IDE: variants seen among roughly 807,000 people sequenced by gnomAD.
IDE encodes the protein insulin degrading enzyme.
Under a neutral mutation model 133.2 loss-of-function variants are expected in IDE, and 58 were observed. That is an observed-to-expected ratio of 0.44 (90% CI 0.35 to 0.54). The LOEUF is 0.54. Among genes scored for constraint, IDE ranks in the 20% least tolerant of loss-of-function variants. The pLI is 0.00. For missense variants in IDE, 981 were observed against 1,234.0 expected (o/e 0.79, Z 3.07); for synonymous variants, 396 against 421.3 (o/e 0.94, Z 0.73).
At chr10:92,561,215 C>T (rs1358746833) in intron 1 of IDE, among the ~76,000 whole-genome samples, 3 of 151,798 alleles carry the variant, frequency 2.0e-5, no homozygotes, top group Non-Finnish European at 4.4e-5. Context: ...GAGATGGCAC[C>T]ACTGCACTCC....
chr10:92,469,825 A>T (rs748662086), intron 18 of IDE, among the ~76,000 whole-genome samples: 2 of 152,194 alleles, frequency 1.3e-5, no homozygotes, highest in Non-Finnish European at 2.9e-5. Context: ...CGTAGGTGCT[A>T]CTGTAACTCT....
intron 19 of IDE, among the ~76,000 whole-genome samples, chr10:92,468,020 T>A (rs977343064): frequency 1.3e-5 from 2 of 152,192 alleles, no homozygotes; most frequent in African/African-American, 4.8e-5. Context: ...GTAGCTTGAA[T>A]AGGGAGGTTC....
rs5787000 is a variant in IDE, at chr10:92,508,559, GA to G, written c.1060+168del. Among the ~76,000 whole-genome samples, 633 of 130,568 alleles carry G rather than the reference GA, an allele frequency of 4.8e-3. 5 individuals are homozygous for G. Among genetic ancestry groups the G allele is most frequent in the African/African-American group, 0.016 (544 of 34,214 alleles). The allele number at this position is 130,568 out of a possible 152,430, so 85.7% of individuals were successfully genotyped here. A position where few individuals can be genotyped will look rare whatever the true frequency, so the allele number is the denominator to read the frequency against. On this transcript the variant is annotated intron_variant, in intron 7 of 24. Transcript: ENST00000265986. Reference sequence around the variant, plus strand: ...CGAAACCCCATCTCTATCTAAAAAAGAAAAAAAAAAAAAAAAGGCAACAGCG... The same window carrying G: ...CGAAACCCCATCTCTATCTAAAAAAGAAAAAAAAAAAAAAAGGCAACAGCG...
chr10:92,508,644 T>C (rs1832195), intron 7 of IDE, 84 bp downstream of exon 7: 26,860 of 1,289,528 alleles, frequency 0.021, 347 homozygotes, highest in Admixed American at 0.057. Context: ...CAATGTTCCT[T>C]CATAGGACAC....
chr10:92,524,433 T>TA (rs1564647866), intron 4 of IDE, among the ~76,000 whole-genome samples: 5 of 30,770 alleles, frequency 1.6e-4, no homozygotes, highest in African/African-American at 5.9e-4. Context: ...ATAATATATT[T>TA]TATATAATAT....
chr10:92,515,087 G>GGAGCTGAAAACCAAGGCTCGA, intron 4 of IDE, 45 bp from the exon 5 acceptor site: 2 of 1,514,124 alleles, frequency 1.3e-6, no homozygotes, highest in Non-Finnish European at 1.8e-6. Context: ...CAAAATATGT[G>GGAGCTGAAAACCAAGGCTCGA]GACTTTTAAA....
At chr10:92,535,147 A>G (rs1433771911) in intron 2 of IDE, among the ~76,000 whole-genome samples, 1 of 152,146 alleles carries the variant, frequency 6.6e-6, no homozygotes, top group African/African-American at 2.4e-5. Context: ...TCTGTCGCCC[A>G]GGCTGGAGTG....
In IDE at chr10:92,506,648, A is replaced by C. The variant is rs1371290190; in HGVS notation, c.1246-126T>G. On this transcript the variant is annotated intron_variant, in intron 9 of 24. Transcript: ENST00000265986. ...ATATTTAACTTTATCACACTTTCTG[A>C]AAAAATGGCTATGCTTGATTTAGAA... The C allele has an allele frequency of 8.3e-6, 4 of 484,470 alleles. No homozygotes were observed. In the East Asian group the frequency reaches 1.3e-4, roughly 15 times the overall value. 30.0% of individuals were successfully genotyped at this position (484,470 alleles called of 1,614,324 possible).
intron 2 of IDE, among the ~76,000 whole-genome samples, chr10:92,536,994 C>T (rs906515969): frequency 1.3e-5 from 2 of 150,576 alleles, no homozygotes; most frequent in African/African-American, 2.5e-5. Context: ...GCCGAGATTG[C>T]GCCACTGCAC....
At position 92,497,704 on chromosome 10, in the gene IDE, G is replaced by C. The variant is rs576616088; in HGVS notation, c.1430+7090C>G. On this transcript the variant is annotated intron_variant, in intron 11 of 24. Coordinates refer to ENST00000265986, the MANE Select transcript of IDE (RefSeq NM_004969.4). ...CCACCCTAGTCTGGTCTGGCAGCTG[G>C]CAATATTATCCCAGGCTGTTTTGCA... is the stretch of plus-strand genomic sequence containing the variant. 194 of 983,990 alleles carry C rather than the reference G, an allele frequency of 2.0e-4. 2 individuals carry two copies. The South Asian group carries it at 8.0e-3, about 40-fold the overall frequency. The allele number at this position is 983,990 out of a possible 1,614,324, so 61.0% of individuals were successfully genotyped here.
intron 5 of IDE, among the ~76,000 whole-genome samples, chr10:92,513,489 G>A (rs779915713): frequency 1.3e-5 from 2 of 152,114 alleles, no homozygotes; most frequent in Non-Finnish European, 2.9e-5. Flanking sequence ...CACTGTGCCT[G>A]GACCCTATTA....
rs1036877168 is a variant in IDE at position 92,463,815 on chromosome 10, G to A, written c.2677C>T (p.Arg893Ter). 2 of 1,613,912 alleles carry A rather than the reference G, an allele frequency of 1.2e-6. No individual in the cohort carries two copies. The highest frequency in any genetic ancestry group is 1.7e-5 in the Admixed American group (1 of 60,002). Residue 893 changes from arginine (R) to a stop codon, truncating the protein, a stop_gained, in exon 21 of 25, where the codon CGA (arginine) becomes TGA (stop). Transcript: ENST00000265986. LOFTEE classifies it high-confidence loss of function. ...GATAGCTTCTTTGGTTTGTCTAGTC[G>A]ACGAATTGCTAATGCCTGAATGTGT... is the stretch of plus-strand genomic sequence containing the variant. ...QKHIQALAIRRLDKPKKLSAE... is the reference protein window; with the variant it reads ...QKHIQALAIR
At chr10:92,463,348 G>T (rs1845498436) in intron 21 of IDE, among the ~76,000 whole-genome samples, 1 of 152,164 alleles carries the variant, frequency 6.6e-6, no homozygotes, top group Non-Finnish European at 1.5e-5. Context: ...TGTGCCTCAA[G>T]GGCAGCATTT....
At chr10:92,509,380 G>A (rs569299507) in intron 6 of IDE, among the ~76,000 whole-genome samples, 13 of 151,922 alleles carry the variant, frequency 8.6e-5, no homozygotes, top group Non-Finnish European at 1.9e-4. Flanking sequence ...ATCACCTGAG[G>A]TCAGGAGTTC....
chr10:92,488,416 T>G (rs536752729), intron 12 of IDE, among the ~76,000 whole-genome samples: 1 of 152,250 alleles, frequency 6.6e-6, no homozygotes, highest in African/African-American at 2.4e-5. Flanking sequence ...TCTTAAGAAC[T>G]GGCCCACACC....
intron 13 of IDE, among the ~76,000 whole-genome samples, chr10:92,485,045 G>A (rs1032822132): frequency 2.6e-5 from 4 of 151,166 alleles, no homozygotes; most frequent in African/African-American, 4.9e-5. Flanking sequence ...AATGGAATGC[G>A]AGTCTTTTAA....
intron 4 of IDE, among the ~76,000 whole-genome samples, chr10:92,520,408 G>C (rs1849159705): frequency 6.6e-6 from 1 of 152,084 alleles, no homozygotes; most frequent in Non-Finnish European, 1.5e-5. Flanking sequence ...CTTATACTGG[G>C]AAGGAATGAG....
intron 13 of IDE, among the ~76,000 whole-genome samples, chr10:92,486,750 T>C (rs892302011): frequency 6.6e-6 from 1 of 152,208 alleles, no homozygotes; most frequent in Non-Finnish European, 1.5e-5. Context: ...TAATTTGAGA[T>C]AGTCACTATG....
At chr10:92,490,376 C>A in intron 12 of IDE, 117 bp downstream of exon 12, 2 of 714,642 alleles carry the variant, frequency 2.8e-6, no homozygotes, top group South Asian at 1.7e-5. Context: ...TAGGATGGTA[C>A]AGATAACACT....
Sources: allele counts gnomAD v4.1 joint callset (sites outside exome capture counted in the v4.1 genomes callset), GRCh38; gene constraint gnomAD v4.1.1; transcripts MANE v1.5; gene names NCBI Gene and HGNC (gene_info 2026-07-23, HGNC 2026-07-21).